The following TENM4 variants were observed in gnomAD, a reference collection of about 807,000 sequenced individuals.
The protein encoded by TENM4 is teneurin transmembrane protein 4.
TENM4 carries 82 observed loss-of-function variants against 243.3 expected under a neutral mutation model. That is an observed-to-expected ratio of 0.34 (90% CI 0.28 to 0.40). TENM4 has a LOEUF of 0.40. Among genes scored for constraint, TENM4 ranks in the 10% least tolerant of loss-of-function variants. TENM4 has a pLI of 1.00. For synonymous variants in TENM4, 1,412 were observed against 1,456.3 expected (o/e 0.97, Z 0.69); for missense variants, 3,138 against 3,673.3 (o/e 0.85, Z 3.77).
chr11:78,658,635 C>A lies in TENM4; in HGVS notation c.7733G>T (p.Arg2578Leu), dbSNP rs769596800. 3 of 1,613,908 alleles carry A rather than the reference C, an allele frequency of 1.9e-6. No individual in the cohort carries two copies. Among genetic ancestry groups the A allele is most frequent in the Non-Finnish European group, 1.7e-6 (2 of 1,179,890 alleles). Reference protein sequence around the residue: ...KGVKFALKDGRVTTDIISVAN... With the variant: ...KGVKFALKDGLVTTDIISVAN... Reference sequence around the variant, plus strand: ...CACACTGATGATGTCTGTGGTCACTCGGCCATCCTTCAAGGCAAACTTGAC... The same window carrying A: ...CACACTGATGATGTCTGTGGTCACTAGGCCATCCTTCAAGGCAAACTTGAC... The change falls in exon 34 of 34, where the codon CGA becomes CTA. Residue 2578 changes from arginine (R) to leucine (L), a missense_variant. Physicochemically the swap from Arg to Leu is moderately radical, Grantham distance 102 (BLOSUM62 -2). Around this residue, in one of 2 missense-constraint regions of TENM4, gnomAD observed 2,467 missense variants for 3,059.1 expected, o/e 0.81. Transcript: ENST00000278550.
At position 78,683,305 on chromosome 11, in the gene TENM4, C is replaced by T. The variant is rs1436178326; in HGVS notation, c.5260+4749G>A. On this transcript the variant is annotated intron_variant, in intron 29 of 33. Coordinates refer to ENST00000278550, the MANE Select transcript of TENM4 (RefSeq NM_001098816.3). Reference sequence around the variant, plus strand: ...CCTCCTTGAGCTGTGGTGGGCTCCACCCAGTTCGAGCTTCGCGGCTGCTTT... The same window carrying T: ...CCTCCTTGAGCTGTGGTGGGCTCCATCCAGTTCGAGCTTCGCGGCTGCTTT... 2.8e-5 allele frequency among the ~76,000 whole-genome samples: 2 copies of T among 71,742 alleles called. 1 individual carries two copies. Among genetic ancestry groups the T allele is most frequent in the Non-Finnish European group, 6.1e-5 (2 of 32,812 alleles). The allele number at this position is 71,742 out of a possible 152,430, so 47.1% of individuals were successfully genotyped here. A position where few individuals can be genotyped will look rare whatever the true frequency, so the allele number is the denominator to read the frequency against.
At chr11:78,808,188 C>G (rs184794304) in intron 14 of TENM4, among the ~76,000 whole-genome samples, 271 of 152,290 alleles carry the variant, frequency 1.8e-3, no homozygotes, top group African/African-American at 6.0e-3. Context: ...TGGGCAAAAA[C>G]TTTACAAATG....
At chr11:78,992,827 C>T (rs1858079632) in intron 6 of TENM4, among the ~76,000 whole-genome samples, 1 of 152,158 alleles carries the variant, frequency 6.6e-6, no homozygotes, top group East Asian at 1.9e-4. Context: ...TTGCTTTTCT[C>T]ATTATAAGAC....
chr11:78,901,678 G>A (rs1855931881), intron 7 of TENM4, among the ~76,000 whole-genome samples: 1 of 152,086 alleles, frequency 6.6e-6, no homozygotes, highest in East Asian at 1.9e-4. Context: ...GTCATGTTCG[G>A]TCTTTCAATG....
intron 2 of TENM4, among the ~76,000 whole-genome samples, chr11:79,294,520 C>A (rs1856413158): frequency 6.6e-6 from 1 of 152,156 alleles, no homozygotes; most frequent in African/African-American, 2.4e-5. Flanking sequence ...TTTCTGCAAT[C>A]TCACAGAGAA....
At chr11:79,061,309 T>C (rs1373344643) in intron 6 of TENM4, among the ~76,000 whole-genome samples, 1 of 152,124 alleles carries the variant, frequency 6.6e-6, no homozygotes, top group South Asian at 2.1e-4. Context: ...TGGGCACCTA[T>C]GGGGAGTCTA....
In TENM4 at chr11:78,669,962, T is replaced by C; in HGVS notation, c.6383A>G (p.Tyr2128Cys). The C allele has an allele frequency of 6.2e-7, 1 of 1,613,816 alleles. No homozygotes were observed. Among genetic ancestry groups the C allele is most frequent in the Non-Finnish European group, 8.5e-7 (1 of 1,179,840 alleles). The change falls in exon 32 of 34, where the codon TAT becomes TGT. Residue 2128 changes from tyrosine (Y) to cysteine (C), a missense_variant. Transcript: ENST00000278550. The surrounding 1 kb of genome is among the most constrained non-coding windows in gnomAD (Gnocchi z 6.4). Reference protein sequence around the residue: ...EQFGKFGVIYYDINQIITTAV... With the variant: ...EQFGKFGVIYCDINQIITTAV... ...TGTGGTGATGATCTGGTTAATGTCA[T>C]AGTAAATGACACCAAACTTCCCAAA...
chr11:78,713,306 C>G (rs77433087), intron 25 of TENM4, among the ~76,000 whole-genome samples: 2,887 of 152,192 alleles, frequency 0.019, 93 homozygotes, highest in African/African-American at 0.066. Context: ...CTCTGGCAGT[C>G]AGATATAAGT....
chr11:78,877,856 A>G (rs111305116), intron 9 of TENM4, among the ~76,000 whole-genome samples: 294 of 152,340 alleles, frequency 1.9e-3, no homozygotes, highest in African/African-American at 6.5e-3. Context: ...TCTTACTATT[A>G]AGAACTAGGT....
At chr11:79,042,345 C>T (rs190009362) in intron 6 of TENM4, among the ~76,000 whole-genome samples, 42 of 152,308 alleles carry the variant, frequency 2.8e-4, no homozygotes, top group Non-Finnish European at 4.6e-4. Flanking sequence ...GTGTCCCCCA[C>T]AAATTCATAT....
chr11:78,750,873 G>C (rs184808492), intron 19 of TENM4, among the ~76,000 whole-genome samples: 2 of 150,672 alleles, frequency 1.3e-5, no homozygotes, highest in Admixed American at 6.6e-5. Context: ...GTGTGTGTGT[G>C]TGTGTGTCTG....
chr11:79,070,280 G>A (rs1860378646), intron 4 of TENM4, among the ~76,000 whole-genome samples: 1 of 152,100 alleles, frequency 6.6e-6, no homozygotes, highest in Admixed American at 6.5e-5. Context: ...TGACAGCAAA[G>A]GCCAAAGGGC....
chr11:79,414,491 C>T (rs1858771170), intron 1 of TENM4, among the ~76,000 whole-genome samples: 1 of 152,110 alleles, frequency 6.6e-6, no homozygotes, highest in African/African-American at 2.4e-5. Context: ...CTTATTACTG[C>T]CTATGCTGAC....
chr11:79,171,353 C>A (rs935777060), intron 3 of TENM4, among the ~76,000 whole-genome samples: 2 of 152,196 alleles, frequency 1.3e-5, no homozygotes, highest in Non-Finnish European at 2.9e-5. Flanking sequence ...GAAAGTGGAT[C>A]TTTGCATTTC....
chr11:79,013,758 A>G (rs1336230995), intron 6 of TENM4, among the ~76,000 whole-genome samples: 1 of 152,184 alleles, frequency 6.6e-6, no homozygotes, highest in African/African-American at 2.4e-5. Context: ...CTAAAATTAC[A>G]GACCAGGAAG....
intron 28 of TENM4, among the ~76,000 whole-genome samples, chr11:78,699,787 A>C (rs1350630098): frequency 6.6e-6 from 1 of 152,220 alleles, no homozygotes; most frequent in South Asian, 2.1e-4. Flanking sequence ...AGCGTAATGG[A>C]TGCAGTGATG....
chr11:79,299,287 C>T (rs1464954073), intron 1 of TENM4, among the ~76,000 whole-genome samples: 1 of 152,148 alleles, frequency 6.6e-6, no homozygotes, highest in Non-Finnish European at 1.5e-5. Context: ...AAATGCCTAA[C>T]ACTTAGTCTA....
intron 18 of TENM4, among the ~76,000 whole-genome samples, chr11:78,759,533 G>A (rs1260219444): frequency 2.6e-5 from 4 of 152,194 alleles, no homozygotes; most frequent in Admixed American, 6.5e-5. Context: ...CTGGAAGCCT[G>A]TGTTTTACCC....
At chr11:78,870,847 T>C (rs1363996195) in intron 9 of TENM4, among the ~76,000 whole-genome samples, 1 of 152,186 alleles carries the variant, frequency 6.6e-6, no homozygotes, top group African/African-American at 2.4e-5. Flanking sequence ...TGAAAACTGG[T>C]GACAAGGCAA....
Sources: gnomAD v4.1 joint callset for allele counts (sites outside exome capture counted in the v4.1 genomes callset) on GRCh38, gnomAD v4.1.1 for gene constraint, gnomAD v4.1.1 regional missense constraint, Gnocchi (gnomAD v3.1) non-coding constraint, MANE v1.5 for transcripts, NCBI Gene and HGNC (gene_info 2026-07-23, HGNC 2026-07-21) for gene names.